The following TMEM69 variants were observed in gnomAD, a reference collection of about 807,000 sequenced individuals.
TMEM69 encodes the protein transmembrane protein 69.
TMEM69 carries 17 observed loss-of-function variants against 15.8 expected under a neutral mutation model. That is an observed-to-expected ratio of 1.07 (90% CI 0.73 to 1.61). The LOEUF is 1.61. Ranked by LOEUF, TMEM69 falls within the 40% of genes most tolerant of loss-of-function variation. TMEM69 has a pLI of 0.00. For synonymous variants in TMEM69, 80 were observed against 98.6 expected (o/e 0.81, Z 1.12); for missense variants, 230 against 286.1 (o/e 0.80, Z 1.41).
chr1:45,692,941 T>C (rs1645354333), intron 2 of TMEM69, among the ~76,000 whole-genome samples: 1 of 152,172 alleles, frequency 6.6e-6, no homozygotes, highest in Non-Finnish European at 1.5e-5. Flanking sequence ...TAAGATTAAG[T>C]GGTAGGTTGA....
chr1:45,690,057 T>C (rs1320597395), intron 1 of TMEM69, among the ~76,000 whole-genome samples: 4 of 152,136 alleles, frequency 2.6e-5, no homozygotes, highest in Non-Finnish European at 4.4e-5. Context: ...GTGAATGAAC[T>C]GCACCATAAC....
chr1:45,694,370 AAT>A lies in TMEM69; in HGVS notation c.*469_*470del. The A allele has an allele frequency of 1.1e-6, 1 of 928,656 alleles. No homozygotes were observed. Among genetic ancestry groups the A allele is most frequent in the African/African-American group, 1.6e-5 (1 of 60,948 alleles). 57.5% of individuals were successfully genotyped at this position (928,656 alleles called of 1,614,324 possible). ...GTTTTCACTCAGTCATTTTATGAATAATATAGTTATCCACTTAAACATTTCAA... is the reference window on the plus strand; with the variant it reads ...GTTTTCACTCAGTCATTTTATGAATAATAGTTATCCACTTAAACATTTCAA... On this transcript the variant is annotated 3_prime_UTR_variant, in exon 3 of 3. Transcript: ENST00000372025.
intron 1 of TMEM69, among the ~76,000 whole-genome samples, chr1:45,689,618 G>A (rs375486010): frequency 1.3e-5 from 2 of 152,146 alleles, no homozygotes; most frequent in Non-Finnish European, 2.9e-5. Flanking sequence ...CAAAGCAGGC[G>A]GATCACGAGG....
At chr1:45,690,334 T>G (rs569003944) in intron 1 of TMEM69, among the ~76,000 whole-genome samples, 1 of 152,070 alleles carries the variant, frequency 6.6e-6, no homozygotes, top group African/African-American at 2.4e-5. Context: ...AAACCCCATC[T>G]CTCCTGAAAA....
chr1:45,694,022 T>A lies in TMEM69; in HGVS notation c.*117T>A, dbSNP rs1019538827. ...ATCTGGGAAGTGTGACAAGCGCCTC[T>A]GCCCGGCCGCTGTGCAACCTTCCAC... is the stretch of plus-strand genomic sequence containing the variant. On this transcript the variant is annotated 3_prime_UTR_variant, in exon 3 of 3. Transcript: ENST00000372025. 4 of 649,186 alleles carry A rather than the reference T, an allele frequency of 6.2e-6. No individual in the cohort carries two copies. In the African/African-American group the frequency reaches 7.3e-5, roughly 12 times the overall value. The allele number at this position is 649,186 out of a possible 1,614,324, so 40.2% of individuals were successfully genotyped here.
At chr1:45,689,900 T>G (rs908824385) in intron 1 of TMEM69, among the ~76,000 whole-genome samples, 2 of 151,458 alleles carry the variant, frequency 1.3e-5, no homozygotes, top group Non-Finnish European at 2.9e-5. Context: ...AGGGCTGAGG[T>G]GGTAAGATCC....
At chr1:45,690,017 A>C (rs915620253) in intron 1 of TMEM69, among the ~76,000 whole-genome samples, 1 of 152,120 alleles carries the variant, frequency 6.6e-6, no homozygotes, top group Non-Finnish European at 1.5e-5. Context: ...TGTTACATCA[A>C]CCCTATGAAT....
chr1:45,693,496 C>A lies in TMEM69; in HGVS notation c.335C>A (p.Pro112Gln), dbSNP rs746951113. The A allele has an allele frequency of 1.9e-6, 3 of 1,614,238 alleles. No homozygotes were observed. The Admixed American group carries it at 5.0e-5, about 27-fold the overall frequency. Residue 112 changes from proline to glutamine, a missense_variant, in exon 3 of 3, where the codon CCA (proline) becomes CAA (glutamine). Transcript: ENST00000372025. ...GGACTAATCCCCTTCGTTGCTCCAC[C>A]ACTGGTCATGCTGATGACAAAAACT... ...LAGLIPFVAP[P>Q]LVMLMTKTYI...
rs199821128 is a variant in TMEM69, at chr1:45,693,524, T to C, written c.363T>C (p.Tyr121=). 92 of 1,614,224 alleles carry C rather than the reference T, an allele frequency of 5.7e-5. 1 individual carries two copies. The African/African-American group carries it at 9.6e-4, about 17-fold the overall frequency. The change falls in exon 3 of 3, where the codon TAT becomes TAC. Residue 121 remains tyrosine, a synonymous_variant. Transcript: ENST00000372025. The stretch of plus-strand genomic sequence containing the variant: ...TGGTCATGCTGATGACAAAAACTTA[T>C]ATTCCCATATTAGCTTTTACTCAGA... ...PPLVMLMTKT[Y]IPILAFTQMA... is the part of the protein sequence containing the mutation.
rs1645314870 is a variant in TMEM69 at position 45,688,255 on chromosome 1, C to G, written c.-116C>G. 1 of 152,160 alleles carries G rather than the reference C, an allele frequency of 6.6e-6. No individual in the cohort carries two copies. Among genetic ancestry groups the G allele is most frequent in the Non-Finnish European group, 1.5e-5 (1 of 68,068 alleles). The allele number at this position is 152,160 out of a possible 1,614,324, so 9.4% of individuals were successfully genotyped here. On this transcript the variant is annotated 5_prime_UTR_variant, in exon 1 of 3. Transcript: ENST00000372025. The stretch of plus-strand genomic sequence containing the variant: ...TTTCCTTCTCTCCGTGCAACGCTGG[C>G]AAGTCTCAAAGTCGCCACAGGTGCA...
chr1:45,688,918 T>G (rs1012217890), intron 1 of TMEM69, among the ~76,000 whole-genome samples: 1 of 151,626 alleles, frequency 6.6e-6, no homozygotes, highest in Admixed American at 6.6e-5. Flanking sequence ...TTTTTTTTTT[T>G]TTTGAGACGG....
Position 45,693,785 on chromosome 1 carries a change from C to T in TMEM69, c.624C>T (p.Pro208=), listed in dbSNP as rs1437924370. 1 of 1,614,158 alleles carries T rather than the reference C, an allele frequency of 6.2e-7. No homozygotes were observed. Among genetic ancestry groups the T allele is most frequent in the Non-Finnish European group, 8.5e-7 (1 of 1,180,030 alleles). ...HLELFLLPHY[P]NWFKALRIVV... ...AACTTTTTCTCTTACCACATTATCC[C>T]AACTGGTTTAAAGCCCTGAGGATAG... Residue 208 remains proline (P), a synonymous_variant, in exon 3 of 3, where the codon CCC becomes CCT. Coordinates refer to ENST00000372025, the MANE Select transcript of TMEM69 (RefSeq NM_016486.4).
At chr1:45,691,138 A>G (rs1205456215) in intron 2 of TMEM69, 28 bp downstream of exon 2, 3 of 1,610,422 alleles carry the variant, frequency 1.9e-6, no homozygotes, top group East Asian at 4.5e-5. Flanking sequence ...ATATTTGAGC[A>G]CTATTTGCCA....
Position 45,693,903 on chromosome 1 carries a change from TA to T in TMEM69, c.*4del, listed in dbSNP as rs1303076775. On this transcript the variant is annotated frameshift_variant and stop_lost, in exon 3 of 3. Coordinates refer to ENST00000372025, the MANE Select transcript of TMEM69 (RefSeq NM_016486.4). LOFTEE classifies it high-confidence loss of function. ...EKGHKRPGQV[*>X] ...AGGACATAAGAGACCTGGTCAAGTA[TA>T]AAAAATATAAAAGTCTGGGAAGTGA... 2 of 1,574,482 alleles carry T rather than the reference TA, an allele frequency of 1.3e-6. No homozygotes were observed. The highest frequency in any genetic ancestry group is 8.6e-7 in the Non-Finnish European group (1 of 1,162,238).
chr1:45,693,362 C>A lies in TMEM69; in HGVS notation c.201C>A (p.Ser67=), dbSNP rs745920215. The A allele has an allele frequency of 1.4e-5, 23 of 1,614,004 alleles. No homozygotes were observed. In the East Asian group the frequency reaches 5.1e-4, roughly 36 times the overall value. Reference sequence around the variant, plus strand: ...GCAAGACACAGTGCTATCATACATCCCCCTGCAGCTTTAAAAAGCAGCAGA... The same window carrying A: ...GCAAGACACAGTGCTATCATACATCACCCTGCAGCTTTAAAAAGCAGCAGA... ...YMSKTQCYHT[S]PCSFKKQQKQ... Residue 67 remains serine, a synonymous_variant, in exon 3 of 3, where the codon TCC becomes TCA. Transcript: ENST00000372025.
Position 45,694,189 on chromosome 1 carries a change from A to G in TMEM69, c.*284A>G, listed in dbSNP as rs1645366529. 1 of 491,428 alleles carries G rather than the reference A, an allele frequency of 2.0e-6. No individual in the cohort carries two copies. Among genetic ancestry groups the G allele is most frequent in the Non-Finnish European group, 3.6e-6 (1 of 279,590 alleles). The allele number at this position is 491,428 out of a possible 1,614,324, so 30.4% of individuals were successfully genotyped here. Reference sequence around the variant, plus strand: ...TAGATAACATTTGTATGCCAGCTACACCTTTTTCTACTTCTGTTTGGCTTT... The same window carrying G: ...TAGATAACATTTGTATGCCAGCTACGCCTTTTTCTACTTCTGTTTGGCTTT... On this transcript the variant is annotated 3_prime_UTR_variant, in exon 3 of 3. Transcript: ENST00000372025.
Position 45,693,781 on chromosome 1 carries a change from A to T in TMEM69, c.620A>T (p.Tyr207Phe). The T allele has an allele frequency of 6.2e-7, 1 of 1,614,192 alleles. No homozygotes were observed. The highest frequency in any genetic ancestry group is 8.5e-7 in the Non-Finnish European group (1 of 1,180,032). Residue 207 changes from tyrosine to phenylalanine, a missense_variant, in exon 3 of 3, where the codon TAT (tyrosine) becomes TTT (phenylalanine). Coordinates refer to ENST00000372025, the MANE Select transcript of TMEM69 (RefSeq NM_016486.4). ...FHLELFLLPHYPNWFKALRIV... is the reference protein window; with the variant it reads ...FHLELFLLPHFPNWFKALRIV... ...CTTGAACTTTTTCTCTTACCACATT[A>T]TCCCAACTGGTTTAAAGCCCTGAGG...
chr1:45,691,500 G>A (rs1010340561), intron 2 of TMEM69, among the ~76,000 whole-genome samples: 1 of 151,882 alleles, frequency 6.6e-6, no homozygotes, highest in Non-Finnish European at 1.5e-5. Flanking sequence ...CTGAGATCAT[G>A]CCACTGCACT....
intron 2 of TMEM69, 50 bp downstream of exon 2, chr1:45,691,160 G>A: frequency 6.4e-7 from 1 of 1,555,872 alleles, no homozygotes; most frequent in Non-Finnish European, 8.9e-7. Flanking sequence ...ATATTGCTTG[G>A]GCTAGGTCAG....
Sources: allele counts gnomAD v4.1 joint callset (sites outside exome capture counted in the v4.1 genomes callset), GRCh38; gene constraint gnomAD v4.1.1; transcripts MANE v1.5; gene names NCBI Gene and HGNC (gene_info 2026-07-23, HGNC 2026-07-21).